The following LTBP1 variants were observed in gnomAD, a reference collection of about 807,000 sequenced individuals.
The protein encoded by LTBP1 is latent-transforming growth factor beta-binding protein 1.
LTBP1 carries 129 observed loss-of-function variants against 207.6 expected under a neutral mutation model. That is an observed-to-expected ratio of 0.62 (90% confidence interval 0.54 to 0.72). LTBP1 has a LOEUF of 0.72. Among genes scored for constraint, LTBP1 ranks in the 30% least tolerant of loss-of-function variants. The pLI, the probability that LTBP1 is intolerant of heterozygous loss-of-function variation, is 0.00. For synonymous variants in LTBP1, 963 were observed against 833.7 expected, an observed-to-expected ratio of 1.16 and a Z score of -2.67; for missense variants, 2,281 against 2,217.2, an observed-to-expected ratio of 1.03 and a Z score of -0.58.
chr2:33,270,744 C>G (rs933476505), intron 15 of LTBP1, among the ~76,000 whole-genome samples: 1 of 152,142 alleles, frequency 6.6e-6, no homozygotes, highest in South Asian at 2.1e-4. Flanking sequence ...GTCCCTCTTT[C>G]CTTTGCTGTA....
chr2:33,152,353 A>G (rs141690508), intron 5 of LTBP1, among the ~76,000 whole-genome samples: 2,284 of 152,302 alleles, frequency 0.015, 22 homozygotes, highest in East Asian at 0.027. Flanking sequence ...ATGCAAATCA[A>G]AACTACAGTG....
intron 26 of LTBP1, among the ~76,000 whole-genome samples, chr2:33,352,983 T>C (rs977999095): frequency 2.1e-5 from 3 of 140,862 alleles, no homozygotes; most frequent in African/African-American, 7.9e-5. Context: ...TTTTTTTTTT[T>C]TTTTTTTTTT....
intron 3 of LTBP1, chr2:33,063,105 T>C (rs2077346068): frequency 6.6e-6 from 1 of 152,206 alleles, no homozygotes; most frequent in African/African-American, 2.4e-5. Context: ...CAAAAGTAAG[T>C]CTTCAAATCA....
chr2:33,272,008 A>G (rs928046224), intron 15 of LTBP1, among the ~76,000 whole-genome samples: 1 of 152,234 alleles, frequency 6.6e-6, no homozygotes, highest in Non-Finnish European at 1.5e-5. Flanking sequence ...CACAAAAGGT[A>G]TAAGTAATTT....
chr2:33,368,304 C>T (rs1020279408), intron 31 of LTBP1, among the ~76,000 whole-genome samples: 2 of 152,190 alleles, frequency 1.3e-5, no homozygotes, highest in Non-Finnish European at 2.9e-5. Context: ...TAGAACTACC[C>T]GGCGATCCCA....
intron 2 of LTBP1, among the ~76,000 whole-genome samples, chr2:32,969,566 C>T (rs1044647400): frequency 6.6e-6 from 1 of 152,082 alleles, no homozygotes; most frequent in African/African-American, 2.4e-5. Flanking sequence ...AGGATAATGG[C>T]CACCAGCTCC....
Position 33,397,432 on chromosome 2 carries a change from T to C in LTBP1, c.4984+150T>C, listed in dbSNP as rs200325834. The C allele has an allele frequency of 7.6e-5, 53 of 698,830 alleles. No individual in the cohort carries two copies. The East Asian group carries it at 1.3e-3, about 18-fold the overall frequency. 43.3% of individuals were successfully genotyped at this position (698,830 alleles called of 1,614,324 possible). A position where few individuals can be genotyped will look rare whatever the true frequency, so the allele number is the denominator to read the frequency against. Reference sequence around the variant, plus strand: ...ATGTACATTAAGTACAGTATGAATATACTTAATGCCACTGGACTATATACT... The same window carrying C: ...ATGTACATTAAGTACAGTATGAATACACTTAATGCCACTGGACTATATACT... On this transcript the variant is annotated intron_variant, in intron 33 of 33. Coordinates refer to ENST00000404816, the MANE Select transcript of LTBP1 (RefSeq NM_206943.4).
intron 2 of LTBP1, among the ~76,000 whole-genome samples, chr2:32,998,142 C>G (rs149443928): frequency 4.6e-5 from 7 of 152,268 alleles, no homozygotes; most frequent in African/African-American, 1.7e-4. Context: ...CTCCCCAGAC[C>G]TAATAATCAA....
Position 33,219,531 on chromosome 2 carries a change from G to A in LTBP1, c.1804+1877G>A, listed in dbSNP as rs148671081. ...TCTATACCTAAAACGTTGAAGAGGC[G>A]TTGCCATCTTTTTTTTTTTAAACCT... On this transcript the variant is annotated intron_variant, in intron 8 of 33. Coordinates refer to ENST00000404816, the MANE Select transcript of LTBP1 (RefSeq NM_206943.4). Among the ~76,000 whole-genome samples, 403 of 152,048 alleles carry A rather than the reference G, an allele frequency of 2.7e-3. 2 individuals are homozygous for A. Among genetic ancestry groups the A allele is most frequent in the Non-Finnish European group, 4.9e-3 (334 of 67,982 alleles).
intron 31 of LTBP1, among the ~76,000 whole-genome samples, chr2:33,385,977 G>A (rs926159688): frequency 1.3e-5 from 2 of 152,044 alleles, no homozygotes; most frequent in African/African-American, 4.8e-5. Flanking sequence ...AGGAAAAAAC[G>A]CATGGCAGGG....
chr2:33,070,432 A>G (rs1363642864), intron 3 of LTBP1, among the ~76,000 whole-genome samples: 2 of 152,232 alleles, frequency 1.3e-5, no homozygotes, highest in African/African-American at 4.8e-5. Flanking sequence ...GCTGGTGGCC[A>G]CAGGCCATCA....
chr2:33,343,669 T>C (rs2094661665), intron 25 of LTBP1, among the ~76,000 whole-genome samples: 1 of 152,176 alleles, frequency 6.6e-6, no homozygotes, highest in South Asian at 2.1e-4. Context: ...CCAGGAATGA[T>C]ACCTGTAAAA....
At chr2:33,212,336 G>A (rs1200799343) in intron 7 of LTBP1, among the ~76,000 whole-genome samples, 1 of 152,200 alleles carries the variant, frequency 6.6e-6, no homozygotes, top group African/African-American at 2.4e-5. Flanking sequence ...GGCAGCATGA[G>A]CAACTCTAGA....
chr2:33,056,453 G>T, intron 3 of LTBP1: 4 of 945,476 alleles, frequency 4.2e-6, no homozygotes, highest in African/African-American at 1.7e-5. Context: ...GTTCCCTGTT[G>T]TTGCAAATTG....
At chr2:33,378,195 G>GTGTT in intron 31 of LTBP1, among the ~76,000 whole-genome samples, 1 of 121,380 alleles carries the variant, frequency 8.2e-6, no homozygotes, top group East Asian at 2.1e-4. Flanking sequence ...ATGTGTGTGT[G>GTGTT]TGTGTGTGTG....
intron 3 of LTBP1, among the ~76,000 whole-genome samples, chr2:33,044,262 CT>C (rs777528320): frequency 2.9e-4 from 44 of 152,110 alleles, no homozygotes; most frequent in Non-Finnish European, 5.7e-4. Flanking sequence ...TATCCCTCCC[CT>C]AGCCCCCTAC....
intron 2 of LTBP1, among the ~76,000 whole-genome samples, chr2:33,002,598 A>T (rs1686191692): frequency 6.6e-6 from 1 of 152,194 alleles, no homozygotes; most frequent in Admixed American, 6.5e-5. Flanking sequence ...TCAAAAACAT[A>T]AAAAGAGGTC....
chr2:33,032,649 T>G (rs1176685235), intron 3 of LTBP1, among the ~76,000 whole-genome samples: 4 of 152,186 alleles, frequency 2.6e-5, no homozygotes, highest in African/African-American at 7.2e-5. Context: ...TAGTTATTAT[T>G]TAAAATAATA....
Position 33,262,937 on chromosome 2 carries a change from G to T in LTBP1, c.2518+116G>T, listed in dbSNP as rs569482511. ...TACTAGACTTCATAACTGAAGTTCA[G>T]TGTTAAGTATAGTAATATACTTATA... is the stretch of plus-strand genomic sequence containing the variant. On this transcript the variant is annotated intron_variant, in intron 14 of 33. Transcript: ENST00000404816. 5.9e-4 allele frequency: 371 copies of T among 632,226 alleles called. 2 individuals are homozygous for T. Among genetic ancestry groups the T allele is most frequent in the Non-Finnish European group, 8.4e-4 (304 of 359,844 alleles). 39.2% of individuals were successfully genotyped at this position (632,226 alleles called of 1,614,324 possible).
Sources: allele counts gnomAD v4.1 joint callset (sites outside exome capture counted in the v4.1 genomes callset), GRCh38; gene constraint gnomAD v4.1.1; transcripts MANE v1.5; gene names NCBI Gene and HGNC (gene_info 2026-07-23, HGNC 2026-07-21).